NEB: variants seen among roughly 807,000 people sequenced by gnomAD.
NEB encodes the protein nebulin, also known as nemaline myopathy type 2.
In NEB, 512 loss-of-function variants were observed where a neutral mutation model predicts 952.2. That is an observed-to-expected ratio of 0.54 (90% confidence interval 0.50 to 0.58). NEB has a LOEUF of 0.58. Ranked by LOEUF, NEB falls within the 20% of genes least tolerant of loss-of-function variation. NEB has a pLI of 0.00. For synonymous variants in NEB, 2,900 were observed against 3,149.8 expected, an observed-to-expected ratio of 0.92 and a Z score of 2.66; for missense variants, 8,428 against 9,231.1, an observed-to-expected ratio of 0.91 and a Z score of 3.56.
chr2:151,566,482 T>C (rs1448625085), intron 114 of NEB, among the ~76,000 whole-genome samples: 1 of 152,206 alleles, frequency 6.6e-6, no homozygotes, highest in Non-Finnish European at 1.5e-5. Flanking sequence ...GGTTCCCTTT[T>C]GTTAATGATG....
At chr2:151,543,071 A>G (rs2094273901) in intron 135 of NEB, among the ~76,000 whole-genome samples, 1 of 152,182 alleles carries the variant, frequency 6.6e-6, no homozygotes, top group Non-Finnish European at 1.5e-5. Context: ...GACTGTTCCT[A>G]TATAAAGCCA....
intron 52 of NEB, among the ~76,000 whole-genome samples, chr2:151,653,159 T>C (rs971703795): frequency 7.2e-5 from 11 of 152,232 alleles, no homozygotes; most frequent in Non-Finnish European, 1.2e-4. Flanking sequence ...ATCCCTGTTT[T>C]CTTTCAAAGA....
At chr2:151,531,702 C>T (rs1204109445) in intron 144 of NEB, 90 bp downstream of exon 144, 1 of 979,560 alleles carries the variant, frequency 1.0e-6, no homozygotes, top group Non-Finnish European at 1.6e-6. Flanking sequence ...TGGCAGTAGT[C>T]TCCCAGACTT....
intron 13 of NEB, among the ~76,000 whole-genome samples, chr2:151,698,542 C>T (rs2099615103): frequency 6.6e-6 from 1 of 152,028 alleles, no homozygotes. Context: ...AATGGTTAAA[C>T]TGAATCATGA....
chr2:151,498,190 A>ATAAAT, intron 170 of NEB, 70 bp downstream of exon 170: 1 of 1,548,226 alleles, frequency 6.5e-7, no homozygotes, highest in Non-Finnish European at 8.7e-7. Flanking sequence ...TCAAACAAAA[A>ATAAAT]TAAATAAATG....
intron 4 of NEB, among the ~76,000 whole-genome samples, chr2:151,728,820 G>A (rs1344449964): frequency 2.0e-5 from 3 of 152,146 alleles, no homozygotes; most frequent in African/African-American, 2.4e-5. Flanking sequence ...TAAGGAAATT[G>A]TACATTTACA....
rs371110613 is a variant in NEB at position 151,631,492 on chromosome 2, G to A, written c.9415-146C>T. On this transcript the variant is annotated intron_variant, in intron 65 of 181. Transcript: ENST00000397345. ...GTATAAGGCAAACTAAAAGAATTAT[G>A]CTCAAAAATGACCCAGAAATATCTC... 35 of 884,780 alleles carry A rather than the reference G, an allele frequency of 4.0e-5. No individual in the cohort carries two copies. In the African/African-American group the frequency reaches 5.1e-4, roughly 13 times the overall value. 54.8% of individuals were successfully genotyped at this position (884,780 alleles called of 1,614,324 possible).
Position 151,709,644 on chromosome 2 carries a change from AT to A in NEB, c.1035+11del. ...TCAAACCATCAAGATAAATGGGATG[AT>A]TTCCTCATACCTTGCTAGCTGCCAC... On this transcript the variant is annotated intron_variant, in intron 12 of 181. Coordinates refer to ENST00000397345, the MANE Select transcript of NEB (RefSeq NM_001164508.2). The A allele has an allele frequency of 6.4e-7, 1 of 1,563,678 alleles. No homozygotes were observed. Among genetic ancestry groups the A allele is most frequent in the Non-Finnish European group, 8.7e-7 (1 of 1,147,582 alleles).
At chr2:151,500,704 C>G (rs1258181940) in intron 168 of NEB, among the ~76,000 whole-genome samples, 1 of 148,182 alleles carries the variant, frequency 6.7e-6, no homozygotes, top group African/African-American at 2.5e-5. Context: ...TTCAGATGAA[C>G]CTCCCACCTC....
chr2:151,681,774 C>G lies in NEB; in HGVS notation c.2943+888G>C, dbSNP rs141550837. 4.7e-3 allele frequency among the ~76,000 whole-genome samples: 711 copies of G among 152,178 alleles called. 7 individuals carry two copies. The highest frequency in any genetic ancestry group is 5.3e-3 in the Non-Finnish European group (362 of 68,014). On this transcript the variant is annotated intron_variant, in intron 29 of 181. Transcript: ENST00000397345. ...ACAGATAATCTTGCTGCCTTATGAG[C>G]CTCAAGATCATCACTATTTTTTCTT...
At chr2:151,729,826 G>C (rs779070631) in intron 3 of NEB, among the ~76,000 whole-genome samples, 170 bp from the exon 4 acceptor site, 5 of 152,206 alleles carry the variant, frequency 3.3e-5, no homozygotes, top group African/African-American at 1.2e-4. Flanking sequence ...TCTTCACTTT[G>C]TAATACTTCA....
At position 151,666,198 on chromosome 2, in the gene NEB, C is replaced by T; in HGVS notation, c.4923G>A (p.Gln1641=). 1 of 1,613,942 alleles carries T rather than the reference C, an allele frequency of 6.2e-7. No homozygotes were observed. Among genetic ancestry groups the T allele is most frequent in the Non-Finnish European group, 8.5e-7 (1 of 1,179,844 alleles). ...MVSVTAAKKS[Q]EVATNANYRQ... The stretch of plus-strand genomic sequence containing the variant: ...TGTAGTTGGCGTTGGTGGCAACCTC[C>T]TGAGATTTCTTTGCAGCTGTCACAC... The change falls in exon 41 of 182, where the codon CAG becomes CAA. Residue 1641 remains glutamine, a synonymous_variant. Coordinates refer to ENST00000397345, the MANE Select transcript of NEB (RefSeq NM_001164508.2).
chr2:151,538,917 T>C (rs958665752), intron 138 of NEB, among the ~76,000 whole-genome samples: 5 of 152,214 alleles, frequency 3.3e-5, no homozygotes, highest in Non-Finnish European at 2.9e-5. Flanking sequence ...ACAGTTCTTT[T>C]CTTTTGGGGT....
intron 109 of NEB, 136 bp downstream of exon 109, chr2:151,569,945 C>A: frequency 1.1e-6 from 1 of 877,348 alleles, no homozygotes; most frequent in East Asian, 2.7e-5. Context: ...TGATACCATA[C>A]TATAAGGTCT....
chr2:151,669,515 T>C (rs986002007), intron 38 of NEB, among the ~76,000 whole-genome samples: 1 of 152,152 alleles, frequency 6.6e-6, no homozygotes, highest in Admixed American at 6.5e-5. Context: ...GTAAAGCCAC[T>C]CTGCAGAGGT....
chr2:151,495,998 G>T (rs187180051), intron 173 of NEB, among the ~76,000 whole-genome samples: 1 of 152,146 alleles, frequency 6.6e-6, no homozygotes, highest in African/African-American at 2.4e-5. Flanking sequence ...AGAGACCTTG[G>T]GGGTAGTGGA....
Position 151,492,139 on chromosome 2 carries a change from A to G in NEB, c.25016T>C (p.Met8339Thr). 6.2e-7 allele frequency: 1 copy of G among 1,613,622 alleles called. No individual in the cohort carries two copies. The highest frequency in any genetic ancestry group is 8.5e-7 in the Non-Finnish European group (1 of 1,179,806). ...ATCTTGGTCATTCCGTTTTTGTTCC[A>G]TTTCTACCACTTTCCTCTGAATACC... The part of the protein sequence containing the change: ...YRGIQRKVVE[M>T]EQKRNDQDQE... The change falls in exon 178 of 182, where the codon ATG becomes ACG. Residue 8339 changes from methionine (M) to threonine (T), a missense_variant. Met to Thr is a moderately conservative substitution (Grantham distance 81). This residue lies in a region of NEB where 3,374 missense variants were observed against 3,651.5 expected (regional missense o/e 0.92). Transcript: ENST00000397345.
intron 64 of NEB, among the ~76,000 whole-genome samples, chr2:151,635,444 C>T (rs556691119): frequency 5.9e-5 from 9 of 152,076 alleles, no homozygotes; most frequent in African/African-American, 1.7e-4. Context: ...TGTGACCTCA[C>T]GCTTGTAAAA....
At chr2:151,643,117 T>C in intron 58 of NEB, 33 bp downstream of exon 58, 1 of 1,575,744 alleles carries the variant, frequency 6.3e-7, no homozygotes, top group Non-Finnish European at 8.7e-7. Context: ...ACAAAAAAAA[T>C]TAATAACCTC....
Sources: gnomAD v4.1 joint callset for allele counts (sites outside exome capture counted in the v4.1 genomes callset) on GRCh38, gnomAD v4.1.1 for gene constraint, gnomAD v4.1.1 regional missense constraint, MANE v1.5 for transcripts, NCBI Gene and HGNC (gene_info 2026-07-23, HGNC 2026-07-21) for gene names.